ANKRD13C: variants seen among roughly 807,000 people sequenced by gnomAD.
ANKRD13C encodes ankyrin repeat domain 13C.
Under a neutral mutation model 65.5 loss-of-function variants are expected in ANKRD13C, and 16 were observed. The ratio of observed to expected loss-of-function variants is 0.24; its 90% CI spans 0.17 to 0.37. ANKRD13C has a LOEUF of 0.37. ANKRD13C is among the 10% of genes least tolerant of loss of function. The pLI, the probability that ANKRD13C is intolerant of heterozygous loss-of-function variation, is 1.00. For synonymous variants in ANKRD13C, 235 were observed against 238.7 expected, an observed-to-expected ratio of 0.98 and a Z score of 0.14; for missense variants, 503 against 655.9, an observed-to-expected ratio of 0.77 and a Z score of 2.55.
At chr1:70,340,522 G>T (rs1682261703) in intron 1 of ANKRD13C, among the ~76,000 whole-genome samples, 1 of 151,922 alleles carries the variant, frequency 6.6e-6, no homozygotes, top group African/African-American at 2.4e-5. Flanking sequence ...GCAGTTGTTG[G>T]GTTCAGCATT....
intron 9 of ANKRD13C, among the ~76,000 whole-genome samples, chr1:70,288,640 G>C (rs1679725738): frequency 6.6e-6 from 1 of 152,124 alleles, no homozygotes; most frequent in African/African-American, 2.4e-5. Flanking sequence ...AATTTCAAAA[G>C]GCTAAGTACT....
At position 70,286,541 on chromosome 1, in the gene ANKRD13C, T is replaced by C. The variant is rs1401708165; in HGVS notation, c.1215+5847A>G. Among the ~76,000 whole-genome samples the C allele has an allele frequency of 2.0e-5, 3 of 152,162 alleles. 1 individual carries two copies. The highest frequency in any genetic ancestry group is 1.9e-4 in the East Asian group (1 of 5,192). ...AAGCCATGTGCACCTGCTCATACCA[T>C]TTTTATTCACTATTATACTGGTGTT... On this transcript the variant is annotated intron_variant, in intron 9 of 12. Transcript: ENST00000370944.
At position 70,261,229 on chromosome 1, in the gene ANKRD13C, G is replaced by A. The variant is rs1678378882; in HGVS notation, c.*1488C>T. 1 of 152,126 alleles carries A rather than the reference G, an allele frequency of 6.6e-6. No homozygotes were observed. Among genetic ancestry groups the A allele is most frequent in the Admixed American group, 6.5e-5 (1 of 15,286 alleles). The allele number at this position is 152,126 out of a possible 1,614,324, so 9.4% of individuals were successfully genotyped here. A position where few individuals can be genotyped will look rare whatever the true frequency, so the allele number is the denominator to read the frequency against. ...ACATACGCAATGCATGTATCAGTATGGAAGATGCAGCTTTAAAGATGTTTA... is the reference window on the plus strand; with the variant it reads ...ACATACGCAATGCATGTATCAGTATAGAAGATGCAGCTTTAAAGATGTTTA... On this transcript the variant is annotated 3_prime_UTR_variant, in exon 13 of 13. Transcript: ENST00000370944.
chr1:70,288,834 T>A (rs1329435180), intron 9 of ANKRD13C, among the ~76,000 whole-genome samples: 1 of 152,120 alleles, frequency 6.6e-6, no homozygotes, highest in African/African-American at 2.4e-5. Context: ...CAAATGCCAA[T>A]ATCCTCGCCA....
chr1:70,276,184 T>C (rs1277918627), intron 10 of ANKRD13C, among the ~76,000 whole-genome samples: 1 of 152,174 alleles, frequency 6.6e-6, no homozygotes, highest in Non-Finnish European at 1.5e-5. Context: ...ACCCTTTCTT[T>C]ATTCATTCAT....
intron 8 of ANKRD13C, among the ~76,000 whole-genome samples, chr1:70,294,706 G>A (rs1401948261): frequency 6.6e-6 from 1 of 151,634 alleles, no homozygotes; most frequent in Non-Finnish European, 1.5e-5. Flanking sequence ...ACTCACTGTG[G>A]CCTCAACCTT....
intron 3 of ANKRD13C, among the ~76,000 whole-genome samples, chr1:70,318,108 T>C (rs1572124771): frequency 6.6e-6 from 1 of 152,278 alleles, no homozygotes. Context: ...TACCATAAAC[T>C]CAAACTTCTT....
intron 6 of ANKRD13C, among the ~76,000 whole-genome samples, chr1:70,301,208 C>T (rs1680340238): frequency 2.7e-5 from 4 of 146,830 alleles, no homozygotes; most frequent in African/African-American, 1.1e-4. Context: ...CATACACACA[C>T]ACATATATAT....
intron 1 of ANKRD13C, among the ~76,000 whole-genome samples, chr1:70,349,293 T>C (rs1335640331): frequency 6.6e-6 from 1 of 152,162 alleles, no homozygotes; most frequent in Admixed American, 6.5e-5. Context: ...AAGTGGTATA[T>C]AACCAAAGAT....
chr1:70,311,927 AAAG>A (rs1558292383), intron 5 of ANKRD13C, among the ~76,000 whole-genome samples: 2 of 152,222 alleles, frequency 1.3e-5, no homozygotes, highest in South Asian at 4.1e-4. Flanking sequence ...AGCTCCAAAT[AAAG>A]AAGGCAGTTT....
rs548487777 is a variant in ANKRD13C, at chr1:70,269,190, T to C, written c.1495+1666A>G. On this transcript the variant is annotated intron_variant, in intron 12 of 12. Coordinates refer to ENST00000370944, the MANE Select transcript of ANKRD13C (RefSeq NM_030816.5). ...GGACAGAGAAACAAAAGAGAAATAG[T>C]TAAACAAATACCCCATAACTTTAAG... 1.6e-3 allele frequency among the ~76,000 whole-genome samples: 237 copies of C among 152,256 alleles called. 3 individuals carry two copies. The highest frequency in any genetic ancestry group is 0.013 in the South Asian group (61 of 4,826).
At chr1:70,266,764 T>C (rs1678646322) in intron 12 of ANKRD13C, among the ~76,000 whole-genome samples, 1 of 152,210 alleles carries the variant, frequency 6.6e-6, no homozygotes, top group Non-Finnish European at 1.5e-5. Flanking sequence ...TTTTCTAATA[T>C]TAATTCCTAG....
At chr1:70,276,167 A>T (rs1369425177) in intron 10 of ANKRD13C, among the ~76,000 whole-genome samples, 1 of 152,144 alleles carries the variant, frequency 6.6e-6, no homozygotes, top group Admixed American at 6.5e-5. Flanking sequence ...CTATTTATTA[A>T]AAATAAACCC....
At chr1:70,308,651 A>C (rs190705101) in intron 5 of ANKRD13C, among the ~76,000 whole-genome samples, 2,256 of 150,462 alleles carry the variant, frequency 0.015, 30 homozygotes, top group Non-Finnish European at 0.021. Context: ...AGGCAGGAGA[A>C]TGGCGTGAAC....
At chr1:70,335,266 C>T (rs1001321402) in intron 2 of ANKRD13C, among the ~76,000 whole-genome samples, 10 of 151,538 alleles carry the variant, frequency 6.6e-5, no homozygotes, top group African/African-American at 9.7e-5. Flanking sequence ...ATTAGCCAGG[C>T]GTGGTGGCAT....
intron 8 of ANKRD13C, among the ~76,000 whole-genome samples, chr1:70,292,789 A>G (rs538999464): frequency 6.6e-6 from 1 of 152,330 alleles, no homozygotes; most frequent in South Asian, 2.1e-4. Context: ...TAAAATACAT[A>G]AAAATGTATG....
intron 6 of ANKRD13C, among the ~76,000 whole-genome samples, chr1:70,303,749 TTG>T (rs1680473714): frequency 6.6e-6 from 1 of 152,230 alleles, no homozygotes; most frequent in Admixed American, 6.5e-5. Flanking sequence ...TGTTAAAAAA[TTG>T]TCTCATGACA....
chr1:70,260,593 TA>T lies in ANKRD13C; in HGVS notation c.*2123del, dbSNP rs1208257234. 6.6e-6 allele frequency: 1 copy of T among 152,138 alleles called. No homozygotes were observed. Among genetic ancestry groups the T allele is most frequent in the Non-Finnish European group, 1.5e-5 (1 of 67,968 alleles). The allele number at this position is 152,138 out of a possible 1,614,324, so 9.4% of individuals were successfully genotyped here. A position where few individuals can be genotyped will look rare whatever the true frequency, so the allele number is the denominator to read the frequency against. On this transcript the variant is annotated 3_prime_UTR_variant, in exon 13 of 13. Transcript: ENST00000370944. ...AAGGCACATTTCGAAAAATCTTCAT[TA>T]AAAGTAATACTGTGAAAAGTTTATT...
In ANKRD13C at chr1:70,261,128, C is replaced by T. The variant is rs1441487912; in HGVS notation, c.*1589G>A. ...ACGTTCCCCCAAAATTCAATAGGTC[C>T]ATGTAACGTAGTAATTAGGTCTTTC... On this transcript the variant is annotated 3_prime_UTR_variant, in exon 13 of 13. Transcript: ENST00000370944. The T allele has an allele frequency of 6.6e-6, 1 of 152,044 alleles. No homozygotes were observed. Among genetic ancestry groups the T allele is most frequent in the Admixed American group, 6.6e-5 (1 of 15,262 alleles). 9.4% of individuals were successfully genotyped at this position (152,044 alleles called of 1,614,324 possible). A position where few individuals can be genotyped will look rare whatever the true frequency, so the allele number is the denominator to read the frequency against.
Sources: gnomAD v4.1 joint callset for allele counts (sites outside exome capture counted in the v4.1 genomes callset) on GRCh38, gnomAD v4.1.1 for gene constraint, MANE v1.5 for transcripts, NCBI Gene and HGNC (gene_info 2026-07-23, HGNC 2026-07-21) for gene names.